The following JADE3 variants were observed in gnomAD, a reference collection of about 807,000 sequenced individuals.
JADE3 encodes the protein jade family PHD finger 3.
A neutral mutation model predicts 50.1 loss-of-function variants in JADE3; 2 were observed. That is an observed-to-expected ratio of 0.04 (90% CI 0.02 to 0.13). JADE3 has a LOEUF of 0.13. JADE3 is among the 10% of genes least tolerant of loss of function. The pLI, the probability that JADE3 is intolerant of heterozygous loss-of-function variation, is 1.00. For synonymous variants in JADE3, 218 were observed against 232.9 expected (o/e 0.94, Z 0.58); for missense variants, 475 against 634.4 (o/e 0.75, Z 2.70).
At chrX:46,920,222 C>CA (rs1350192133) in intron 1 of JADE3, among the ~76,000 whole-genome samples, 2 of 111,723 alleles carry the variant, frequency 1.8e-5, no homozygotes, top group African/African-American at 6.5e-5. Flanking sequence ...TATTCCTGTT[C>CA]AAAAAAAATC....
At chrX:46,951,385 G>A (rs1926999851) in intron 1 of JADE3, among the ~76,000 whole-genome samples, 4 of 95,472 alleles carry the variant, frequency 4.2e-5, no homozygotes, top group Admixed American at 1.1e-4. Context: ...TCAGGAGTTC[G>A]AGACCAGCCT....
intron 4 of JADE3, among the ~76,000 whole-genome samples, chrX:47,021,158 C>T (rs924344959): frequency 1.7e-4 from 19 of 110,609 alleles, no homozygotes; most frequent in African/African-American, 5.9e-4. Context: ...ACTGACCTCC[C>T]TCACCCAAGG....
chrX:46,917,835 C>A (rs1556336776), intron 1 of JADE3, among the ~76,000 whole-genome samples: 2 of 2,638 alleles, frequency 7.6e-4, no homozygotes, highest in Non-Finnish European at 3.0e-3. Flanking sequence ...CTCTCTCATC[C>A]TCTCTCTCTC....
intron 1 of JADE3, among the ~76,000 whole-genome samples, chrX:46,932,509 T>A (rs1926518931): frequency 8.9e-6 from 1 of 112,495 alleles, no homozygotes; most frequent in Non-Finnish European, 1.9e-5. Context: ...TCCTGTTAGT[T>A]CCCTAATAAG....
chrX:46,952,896 G>A (rs1927037463), intron 1 of JADE3, among the ~76,000 whole-genome samples: 1 of 110,409 alleles, frequency 9.1e-6, no homozygotes, highest in African/African-American at 3.3e-5. Context: ...TACTCAGGAG[G>A]CTGAGGCAGG....
chrX:46,917,859 CT>C (rs1926134110), intron 1 of JADE3, among the ~76,000 whole-genome samples: 1 of 39,899 alleles, frequency 2.5e-5, no homozygotes, highest in African/African-American at 1.3e-4. Flanking sequence ...CTCTCTCATC[CT>C]CTCTCTCTCT....
intron 1 of JADE3, among the ~76,000 whole-genome samples, chrX:46,948,926 A>AT (rs1298110306): frequency 1.8e-5 from 2 of 110,371 alleles, no homozygotes; most frequent in African/African-American, 6.6e-5. Context: ...ACATATCACA[A>AT]TTTTTTAAAA....
intron 6 of JADE3, among the ~76,000 whole-genome samples, chrX:47,028,564 C>G (rs1556366086): frequency 9.0e-6 from 1 of 110,873 alleles, no homozygotes; most frequent in Non-Finnish European, 1.9e-5. Flanking sequence ...ACATGCCACT[C>G]CTAAGAATGT....
chrX:46,951,118 G>A (rs1215675781), intron 1 of JADE3, among the ~76,000 whole-genome samples: 6 of 105,640 alleles, frequency 5.7e-5, no homozygotes, highest in African/African-American at 2.0e-4. Context: ...TCGCTCTGTT[G>A]CCCAGGCTGT....
chrX:47,033,859 AC>A, intron 7 of JADE3, 71 bp downstream of exon 7: 2 of 901,046 alleles, frequency 2.2e-6, no homozygotes, highest in Non-Finnish European at 3.0e-6. Flanking sequence ...ATTCAGACTG[AC>A]TCAGGCTCAG....
At chrX:47,027,867 A>G (rs782268018) in intron 5 of JADE3, 25 bp from the exon 6 acceptor site, 1 of 1,173,562 alleles carries the variant, frequency 8.5e-7, no homozygotes, top group African/African-American at 1.8e-5. Context: ...TGATGGGTTG[A>G]TTGATTGTTT....
intron 6 of JADE3, among the ~76,000 whole-genome samples, chrX:47,033,270 G>T (rs1348667615): frequency 9.0e-6 from 1 of 111,710 alleles, no homozygotes; most frequent in Non-Finnish European, 1.9e-5. Flanking sequence ...TTCAATAAGT[G>T]TTTGACTAAT....
At chrX:47,005,158 C>CA (rs1226455409) in intron 4 of JADE3, among the ~76,000 whole-genome samples, 5 of 111,531 alleles carry the variant, frequency 4.5e-5, no homozygotes, top group African/African-American at 1.6e-4. Context: ...CCAGCAAAAA[C>CA]AAAAAACAAA....
At chrX:46,952,008 C>T (rs1445641997) in intron 1 of JADE3, among the ~76,000 whole-genome samples, 1 of 111,647 alleles carries the variant, frequency 9.0e-6, no homozygotes, top group Non-Finnish European at 1.9e-5. Flanking sequence ...AAGTGATCTG[C>T]CCACCTCAGC....
At chrX:46,931,906 A>G (rs1569534259) in intron 1 of JADE3, among the ~76,000 whole-genome samples, 4 of 111,671 alleles carry the variant, frequency 3.6e-5, no homozygotes, top group African/African-American at 9.8e-5. Flanking sequence ...TTGTATACCA[A>G]TGCTTCATGA....
intron 3 of JADE3, among the ~76,000 whole-genome samples, chrX:46,993,427 A>G (rs189136986): frequency 8.9e-6 from 1 of 112,295 alleles, no homozygotes; most frequent in Non-Finnish European, 1.9e-5. Context: ...AGGGACATTG[A>G]GGGAAGGGAG....
intron 8 of JADE3, among the ~76,000 whole-genome samples, chrX:47,053,047 C>T (rs1929553208): frequency 9.1e-6 from 1 of 110,144 alleles, no homozygotes; most frequent in Non-Finnish European, 1.9e-5. Context: ...CAAAGTGAGA[C>T]ACCGTCTAAA....
intron 4 of JADE3, among the ~76,000 whole-genome samples, 156 bp downstream of exon 4, chrX:46,998,433 G>C (rs970860405): frequency 2.7e-5 from 3 of 109,377 alleles, no homozygotes; most frequent in Non-Finnish European, 5.7e-5. Context: ...ATTTTACCAG[G>C]CTATAATAAG....
chrX:46,930,188 T>C (rs1926460173), intron 1 of JADE3, among the ~76,000 whole-genome samples: 1 of 111,944 alleles, frequency 8.9e-6, no homozygotes, highest in Admixed American at 9.5e-5. Context: ...GCTTCTTTCT[T>C]ACTCTCCATT....
Sources: gnomAD v4.1 joint callset for allele counts (sites outside exome capture counted in the v4.1 genomes callset) on GRCh38, gnomAD v4.1.1 for gene constraint, MANE v1.5 for transcripts, NCBI Gene and HGNC (gene_info 2026-07-23, HGNC 2026-07-21) for gene names.